SHTN1: variants seen among roughly 807,000 people sequenced by gnomAD.
SHTN1 encodes shootin-1.
In SHTN1, 42 loss-of-function variants were observed where a neutral mutation model predicts 83.1. The observed-to-expected ratio is 0.51, with a 90% confidence interval of 0.39 to 0.65. SHTN1 has a LOEUF of 0.65. SHTN1 is among the 30% of genes least tolerant of loss of function. The probability of loss-of-function intolerance (pLI) is 0.00; values close to 1 mark genes in which losing one functional copy is unlikely to be tolerated. For synonymous variants in SHTN1, 224 were observed against 247.7 expected (o/e 0.90, Z 0.90); for missense variants, 622 against 737.8 (o/e 0.84, Z 1.82).
intron 2 of SHTN1, among the ~76,000 whole-genome samples, chr10:117,040,621 T>C (rs980825954): frequency 2.6e-4 from 40 of 152,176 alleles, no homozygotes; most frequent in Non-Finnish European, 1.5e-4. Flanking sequence ...CTCATGAATC[T>C]AAAACGGTTT....
intron 16 of SHTN1, among the ~76,000 whole-genome samples, chr10:116,898,779 C>A (rs1847614108): frequency 6.6e-6 from 1 of 152,042 alleles, no homozygotes. Flanking sequence ...AACACCCTTG[C>A]TTTGCATATG....
intron 1 of SHTN1, among the ~76,000 whole-genome samples, chr10:117,118,513 A>T (rs1853882632): frequency 6.6e-6 from 1 of 152,240 alleles, no homozygotes; most frequent in Admixed American, 6.5e-5. Context: ...AACTAAAAAT[A>T]GAACTACCAT....
At chr10:116,968,848 A>G in intron 2 of SHTN1, 136 bp from the exon 3 acceptor site, 3 of 648,932 alleles carry the variant, frequency 4.6e-6, no homozygotes, top group Non-Finnish European at 8.0e-6. Context: ...AAAAGCATCA[A>G]TGGTCATATA....
intron 1 of SHTN1, among the ~76,000 whole-genome samples, chr10:116,997,345 C>A (rs1231569438): frequency 6.6e-6 from 1 of 152,206 alleles, no homozygotes; most frequent in African/African-American, 2.4e-5. Flanking sequence ...ATGTGCACTG[C>A]ATGCATTAAT....
At chr10:116,974,159 G>C in intron 2 of SHTN1, 2 of 1,039,710 alleles carry the variant, frequency 1.9e-6, no homozygotes, top group Non-Finnish European at 2.3e-6. Context: ...CAAATTCTAG[G>C]TATTGTGTGT....
intron 1 of SHTN1, among the ~76,000 whole-genome samples, chr10:117,083,820 C>T (rs573212905): frequency 6.6e-6 from 1 of 152,162 alleles, no homozygotes; most frequent in Non-Finnish European, 1.5e-5. Flanking sequence ...GATACCCTTT[C>T]TTCCAGTTGA....
rs386372573 is a variant in SHTN1, at chr10:117,047,917, A to AAT, written c.-123+526_-123+527dup. Among the ~76,000 whole-genome samples, 4 of 151,692 alleles carry AAT rather than the reference A, an allele frequency of 2.6e-5. No homozygotes were observed. The East Asian group carries it at 7.7e-4, about 29-fold the overall frequency. ...TAGGCATGAGCCAAAAAAAAAAAAA[A>AAT]ATTATTAAAAGTCAGTTCAATTATG... On this transcript the variant is annotated intron_variant, in intron 2 of 17. Transcript: ENST00000392901.
At chr10:117,018,549 T>C (rs1386328270) in intron 2 of SHTN1, among the ~76,000 whole-genome samples, 5 of 148,052 alleles carry the variant, frequency 3.4e-5, no homozygotes, top group Admixed American at 1.4e-4. Context: ...CCCCTTAAGA[T>C]TGGATGTCTG....
intron 15 of SHTN1, among the ~76,000 whole-genome samples, chr10:116,906,055 G>A (rs1847957559): frequency 6.6e-6 from 1 of 152,244 alleles, no homozygotes; most frequent in South Asian, 2.1e-4. Flanking sequence ...AAAGAGTAAA[G>A]ATGATTTTCC....
At chr10:116,955,982 A>T (rs986935435) in intron 4 of SHTN1, among the ~76,000 whole-genome samples, 1 of 152,228 alleles carries the variant, frequency 6.6e-6, no homozygotes, top group Non-Finnish European at 1.5e-5. Context: ...TTAAACCATG[A>T]ATGCTACAGC....
chr10:116,979,741 A>G (rs541525580), intron 1 of SHTN1, among the ~76,000 whole-genome samples: 1 of 152,354 alleles, frequency 6.6e-6, no homozygotes, highest in East Asian at 1.9e-4. Flanking sequence ...TGGTCCTGTG[A>G]AAGGATTCAG....
intron 1 of SHTN1, among the ~76,000 whole-genome samples, chr10:117,125,416 C>G (rs1344312789): frequency 6.6e-6 from 1 of 152,152 alleles, no homozygotes; most frequent in East Asian, 1.9e-4. Flanking sequence ...TCTATCCTCC[C>G]CACCTGCAGC....
At chr10:117,075,179 G>A (rs1352115679) in intron 1 of SHTN1, among the ~76,000 whole-genome samples, 1 of 152,032 alleles carries the variant, frequency 6.6e-6, no homozygotes, top group Non-Finnish European at 1.5e-5. Context: ...CAGTATTTAG[G>A]AATCTGCTTT....
chr10:117,107,429 A>G (rs977937500), intron 1 of SHTN1, among the ~76,000 whole-genome samples: 2 of 148,582 alleles, frequency 1.3e-5, no homozygotes, highest in African/African-American at 4.9e-5. Context: ...CCGTTCCGCA[A>G]TAGGACCCAG....
chr10:116,944,811 A>C (rs1382107564), intron 8 of SHTN1, 113 bp downstream of exon 8: 4 of 704,432 alleles, frequency 5.7e-6, no homozygotes, highest in Non-Finnish European at 1.0e-5. Flanking sequence ...GAATCGCTTG[A>C]ATCAGGGAGT....
intron 8 of SHTN1, among the ~76,000 whole-genome samples, chr10:116,941,659 A>G (rs1254983654): frequency 1.3e-5 from 2 of 152,226 alleles, no homozygotes; most frequent in African/African-American, 4.8e-5. Flanking sequence ...TTGTTCAACA[A>G]CTTCACCCAT....
intron 1 of SHTN1, among the ~76,000 whole-genome samples, chr10:116,983,671 GATAGATAGATAGATAA>G (rs1246662412): frequency 6.5e-5 from 4 of 61,652 alleles, no homozygotes; most frequent in South Asian, 1.6e-3. Context: ...TAGATAGATA[GATAGATAGATAGATAA>G]ATACATACAT....
intron 16 of SHTN1, among the ~76,000 whole-genome samples, chr10:116,896,798 G>A (rs1433158656): frequency 4.1e-5 from 6 of 147,402 alleles, no homozygotes; most frequent in African/African-American, 1.5e-4. Context: ...CTGTGATCAG[G>A]TACTTTTTTT....
Position 117,116,501 on chromosome 10 carries a change from T to C in SHTN1, c.-189+9806A>G, listed in dbSNP as rs541853645. ...TACCAAACATTTAAAGAATACCAGT[T>C]CCACTCAAACTCTTCCCAAAAAAAT... On this transcript the variant is annotated intron_variant, in intron 1 of 17. Coordinates refer to the SHTN1 transcript ENST00000392901. Among the ~76,000 whole-genome samples the C allele has an allele frequency of 7.2e-5, 11 of 152,166 alleles. No individual in the cohort carries two copies. The South Asian group carries it at 2.3e-3, about 32-fold the overall frequency.
Sources: gnomAD v4.1 joint callset for allele counts (sites outside exome capture counted in the v4.1 genomes callset) on GRCh38, gnomAD v4.1.1 for gene constraint, MANE v1.5 for transcripts, NCBI Gene and HGNC (gene_info 2026-07-23, HGNC 2026-07-21) for gene names.